The following VPS13D variants were observed in gnomAD, a reference collection of about 807,000 sequenced individuals.
VPS13D encodes the protein vacuolar protein sorting 13 homolog D.
Under a neutral mutation model 461.9 loss-of-function variants are expected in VPS13D, and 187 were observed. The ratio of observed to expected loss-of-function variants is 0.40; its 90% confidence interval spans 0.36 to 0.46. The LOEUF (loss-of-function observed/expected upper bound fraction) is 0.46. Among genes scored for constraint, VPS13D ranks in the 20% least tolerant of loss-of-function variants. The probability of loss-of-function intolerance (pLI) is 0.60; values close to 1 mark genes in which losing one functional copy is unlikely to be tolerated. For missense variants in VPS13D, 4,711 were observed against 5,364.9 expected (o/e 0.88, Z 3.81); for synonymous variants, 1,951 against 1,986.3 (o/e 0.98, Z 0.47).
chr1:12,323,387 A>C (rs969464496), intron 34 of VPS13D, among the ~76,000 whole-genome samples: 3 of 152,030 alleles, frequency 2.0e-5, no homozygotes, highest in South Asian at 4.1e-4. Flanking sequence ...CTCTAATTTT[A>C]AGCTGTTTCA....
intron 60 of VPS13D, among the ~76,000 whole-genome samples, chr1:12,389,286 A>C (rs1202804530): frequency 4.6e-5 from 7 of 152,204 alleles, no homozygotes; most frequent in Admixed American, 1.3e-4. Flanking sequence ...CAGCACCCTC[A>C]CAGACACACC....
intron 63 of VPS13D, among the ~76,000 whole-genome samples, chr1:12,404,865 C>T (rs941648983): frequency 6.6e-6 from 1 of 152,210 alleles, no homozygotes; most frequent in Non-Finnish European, 1.5e-5. Context: ...CAAAGTCAGC[C>T]CCCTGCAGCT....
chr1:12,328,943 T>G (rs188425324), intron 36 of VPS13D, among the ~76,000 whole-genome samples: 183 of 152,338 alleles, frequency 1.2e-3, no homozygotes, highest in African/African-American at 4.0e-3. Flanking sequence ...AGGTAAAGTT[T>G]GCTTCTGGGG....
intron 63 of VPS13D, among the ~76,000 whole-genome samples, chr1:12,404,916 A>G (rs1297027365): frequency 6.6e-6 from 1 of 152,184 alleles, no homozygotes; most frequent in Non-Finnish European, 1.5e-5. Flanking sequence ...TTGCACTTAA[A>G]GATAATACTC....
intron 49 of VPS13D, among the ~76,000 whole-genome samples, chr1:12,358,258 G>T (rs982010725): frequency 2.0e-4 from 30 of 152,152 alleles, no homozygotes; most frequent in Admixed American, 2.0e-3. Flanking sequence ...ACACACTGTT[G>T]TACTGTGGCT....
At position 12,341,801 on chromosome 1, in the gene VPS13D, G is replaced by A. The variant is rs768512570; in HGVS notation, c.8648G>A (p.Arg2883His). 5 of 1,613,774 alleles carry A rather than the reference G, an allele frequency of 3.1e-6. No homozygotes were observed. The highest frequency in any genetic ancestry group is 1.1e-5 in the South Asian group (1 of 91,066). Residue 2883 changes from arginine to histidine, a missense_variant, in exon 41 of 70, where the codon CGC becomes CAC. By Grantham distance (29) the Arg-to-His change is conservative. Coordinates refer to ENST00000620676, the MANE Select transcript of VPS13D (RefSeq NM_015378.4). ...GTAGCAGAGGTGAAAACCCCCAAGC[G>A]CCGGCAGCCATTTGTCCCCTTTGCT... ...YARAEVKTPKRRQPFVPFALR... is the reference protein window; with the variant it reads ...YARAEVKTPKHRQPFVPFALR...
At chr1:12,246,267 A>G (rs570747845) in intron 5 of VPS13D, among the ~76,000 whole-genome samples, 179 of 152,302 alleles carry the variant, frequency 1.2e-3, no homozygotes, top group African/African-American at 3.9e-3. Flanking sequence ...ACCCTTCCTG[A>G]TGATTACATT....
chr1:12,366,081 T>A (rs1002861908), intron 52 of VPS13D, among the ~76,000 whole-genome samples: 2 of 150,524 alleles, frequency 1.3e-5, no homozygotes, highest in African/African-American at 2.4e-5. Context: ...AAAAAAAAAA[T>A]AGAAAAAAGT....
chr1:12,335,583 T>C, intron 38 of VPS13D, 122 bp from the exon 39 acceptor site: 2 of 1,288,796 alleles, frequency 1.6e-6, no homozygotes. Context: ...TCTCGGAATC[T>C]AGCACAGGCC....
rs1038720015 is a variant in VPS13D at position 12,509,668 on chromosome 1, C to T, written c.*644C>T. On this transcript the variant is annotated 3_prime_UTR_variant, in exon 70 of 70. Coordinates refer to ENST00000620676, the MANE Select transcript of VPS13D (RefSeq NM_015378.4). ...CCTTCAGAAGGATCTAGGAGAGGGG[C>T]TTGGGAGCCCACTTTTAATTTCTCA... 3 of 152,180 alleles carry T rather than the reference C, an allele frequency of 2.0e-5. No homozygotes were observed. The highest frequency in any genetic ancestry group is 7.2e-5 in the African/African-American group (3 of 41,452). The allele number at this position is 152,180 out of a possible 1,614,324, so 9.4% of individuals were successfully genotyped here. A position where few individuals can be genotyped will look rare whatever the true frequency, so the allele number is the denominator to read the frequency against.
rs1570230209 is a variant in VPS13D at position 12,465,165 on chromosome 1, A to C, written c.12662+4769A>C. ...AAGGCAAAAATACCTTTGAGAAGAA[A>C]GGAATGTCTGCCTCTGCACTATGTA... On this transcript the variant is annotated intron_variant, in intron 67 of 69. Transcript: ENST00000620676. 2.6e-5 allele frequency: 4 copies of C among 152,366 alleles called. No homozygotes were observed. In the East Asian group the frequency reaches 7.7e-4, roughly 29 times the overall value. The allele number at this position is 152,366 out of a possible 1,614,324, so 9.4% of individuals were successfully genotyped here.
intron 37 of VPS13D, among the ~76,000 whole-genome samples, chr1:12,332,210 C>T (rs1398536147): frequency 2.6e-5 from 4 of 152,146 alleles, no homozygotes; most frequent in South Asian, 4.1e-4. Flanking sequence ...AGGTCTGTAC[C>T]GTAGAGACTG....
Position 12,319,441 on chromosome 1 carries a change from C to T in VPS13D, c.7415-56C>T, listed in dbSNP as rs191406159. The T allele has an allele frequency of 4.4e-5, 70 of 1,606,786 alleles. No individual in the cohort carries two copies. In the African/African-American group the frequency reaches 8.6e-4, roughly 20 times the overall value. On this transcript the variant is annotated intron_variant, in intron 31 of 69. Transcript: ENST00000620676. ...GCGCTCGCTGCCTTGTTTGCAACAG[C>T]CTGGTGTTTTCCAGCTTCCCAGCTC...
At chr1:12,485,694 G>GA (rs147293882) in intron 67 of VPS13D, among the ~76,000 whole-genome samples, 3,546 of 152,258 alleles carry the variant, frequency 0.023, 48 homozygotes, top group Middle Eastern at 0.041. Context: ...GGATCTGGGA[G>GA]AAAAAATCCA....
At chr1:12,445,270 G>T (rs1645178412) in intron 65 of VPS13D, among the ~76,000 whole-genome samples, 1 of 152,198 alleles carries the variant, frequency 6.6e-6, no homozygotes, top group Non-Finnish European at 1.5e-5. Context: ...TAAGTAAAAA[G>T]TACATTGAAC....
At chr1:12,488,113 T>C (rs931229626) in intron 67 of VPS13D, among the ~76,000 whole-genome samples, 16 of 152,244 alleles carry the variant, frequency 1.1e-4, no homozygotes, top group African/African-American at 3.9e-4. Context: ...TCAGGAGTCA[T>C]TCAGACAGGT....
chr1:12,384,971 T>A (rs1012479084), intron 58 of VPS13D, among the ~76,000 whole-genome samples: 1 of 152,138 alleles, frequency 6.6e-6, no homozygotes, highest in Non-Finnish European at 1.5e-5. Flanking sequence ...TGCAGTGATC[T>A]TGAGGTTTGC....
chr1:12,388,496 C>T (rs539456740), intron 60 of VPS13D, among the ~76,000 whole-genome samples: 1 of 151,400 alleles, frequency 6.6e-6, no homozygotes, highest in African/African-American at 2.4e-5. Context: ...ATTGCTGGAA[C>T]CTAGGAGGTG....
At chr1:12,307,567 C>T (rs1427615231) in intron 26 of VPS13D, among the ~76,000 whole-genome samples, 1 of 152,158 alleles carries the variant, frequency 6.6e-6, no homozygotes, top group Non-Finnish European at 1.5e-5. Context: ...GATCTTGGCT[C>T]ACTGCAACCT....
Sources: gnomAD v4.1 joint callset for allele counts (sites outside exome capture counted in the v4.1 genomes callset) on GRCh38, gnomAD v4.1.1 for gene constraint, MANE v1.5 for transcripts, NCBI Gene and HGNC (gene_info 2026-07-23, HGNC 2026-07-21) for gene names.